The following SPIN1 variants were observed in gnomAD, a reference collection of about 807,000 sequenced individuals.
The protein encoded by SPIN1 is spindlin-1.
Under a neutral mutation model 26.0 loss-of-function variants are expected in SPIN1, and 3 were observed. The observed-to-expected ratio is 0.12, with a 90% CI of 0.05 to 0.30. The LOEUF is 0.30. SPIN1 is among the 10% of genes least tolerant of loss of function. The pLI is 1.00. For synonymous variants in SPIN1, 101 were observed against 116.5 expected, an observed-to-expected ratio of 0.87 and a Z score of 0.86; for missense variants, 126 against 333.4, an observed-to-expected ratio of 0.38 and a Z score of 4.84.
intron 1 of SPIN1, among the ~76,000 whole-genome samples, chr9:88,423,532 G>A (rs1341193572): frequency 2.6e-5 from 4 of 151,814 alleles, no homozygotes; most frequent in Admixed American, 6.6e-5. Context: ...TCTGCCTCCC[G>A]AGTTCAAGCA....
At chr9:88,393,814 G>T (rs1229529723) in intron 1 of SPIN1, among the ~76,000 whole-genome samples, 3 of 151,758 alleles carry the variant, frequency 2.0e-5, no homozygotes, top group African/African-American at 7.3e-5. Flanking sequence ...TAGCATCATT[G>T]TAGACCCATG....
intron 2 of SPIN1, among the ~76,000 whole-genome samples, chr9:88,431,968 G>C (rs1827881522): frequency 6.6e-6 from 1 of 152,170 alleles, no homozygotes. Flanking sequence ...TTTGAGCTCA[G>C]GTGTTGCTGC....
At chr9:88,465,836 T>C (rs1828657013) in intron 4 of SPIN1, among the ~76,000 whole-genome samples, 1 of 152,220 alleles carries the variant, frequency 6.6e-6, no homozygotes, top group African/African-American at 2.4e-5. Context: ...AATATTCTTT[T>C]CAGTATCATA....
intron 1 of SPIN1, among the ~76,000 whole-genome samples, chr9:88,403,017 A>G (rs192191331): frequency 6.6e-6 from 1 of 152,146 alleles, no homozygotes; most frequent in Non-Finnish European, 1.5e-5. Context: ...GTGCTATCTC[A>G]TTGTAGTTTT....
chr9:88,431,802 C>A (rs10868780), intron 2 of SPIN1, among the ~76,000 whole-genome samples: 2 of 151,924 alleles, frequency 1.3e-5, no homozygotes, highest in Non-Finnish European at 1.5e-5. Context: ...ATAATCCCAG[C>A]GCTTTGGGAA....
intron 1 of SPIN1, among the ~76,000 whole-genome samples, chr9:88,409,957 C>A (rs1247431266): frequency 6.6e-6 from 1 of 151,292 alleles, no homozygotes; most frequent in Non-Finnish European, 1.5e-5. Flanking sequence ...TTACCAGTCC[C>A]CCTGTAACCC....
At chr9:88,470,681 G>A (rs528404072) in intron 5 of SPIN1, among the ~76,000 whole-genome samples, 3 of 149,202 alleles carry the variant, frequency 2.0e-5, no homozygotes, top group Non-Finnish European at 3.0e-5. Context: ...TGCAGCCTCC[G>A]CCTACTGGGT....
rs185307367 is a variant in SPIN1, at chr9:88,462,148, C to T, written c.102-348C>T. Among the ~76,000 whole-genome samples, 1,176 of 152,216 alleles carry T rather than the reference C, an allele frequency of 7.7e-3. 18 individuals are homozygous for T. Among genetic ancestry groups the T allele is most frequent in the African/African-American group, 0.027 (1,124 of 41,532 alleles). On this transcript the variant is annotated intron_variant, in intron 3 of 5. Transcript: ENST00000375859. Reference sequence around the variant, plus strand: ...CACGGATCAGTCCTTCTTTAATTAACTTGGAAAATTTTGAGTTGATTGAAT... The same window carrying T: ...CACGGATCAGTCCTTCTTTAATTAATTTGGAAAATTTTGAGTTGATTGAAT...
intron 3 of SPIN1, among the ~76,000 whole-genome samples, chr9:88,459,456 A>G (rs1828534066): frequency 6.6e-6 from 1 of 152,106 alleles, no homozygotes; most frequent in Admixed American, 6.6e-5. Context: ...TATGTTATAT[A>G]TATATATTGG....
chr9:88,469,897 T>C (rs1273396825), intron 5 of SPIN1, among the ~76,000 whole-genome samples: 5 of 152,218 alleles, frequency 3.3e-5, no homozygotes, highest in African/African-American at 1.2e-4. Flanking sequence ...CGCACAGATA[T>C]GTACAGTCCT....
chr9:88,411,571 T>G (rs1439934005), intron 1 of SPIN1: 2 of 597,522 alleles, frequency 3.3e-6, no homozygotes, highest in Non-Finnish European at 5.9e-6. Flanking sequence ...TAGAGTGCAG[T>G]GGCATGATCT....
chr9:88,448,733 C>T (rs971823040), intron 2 of SPIN1, among the ~76,000 whole-genome samples: 1 of 152,034 alleles, frequency 6.6e-6, no homozygotes, highest in African/African-American at 2.4e-5. Context: ...AGAACTGTTG[C>T]CTCTGCTGCT....
intron 1 of SPIN1, among the ~76,000 whole-genome samples, chr9:88,406,634 A>G (rs1827316898): frequency 6.6e-6 from 1 of 152,104 alleles, no homozygotes; most frequent in African/African-American, 2.4e-5. Context: ...GTTTCTTATG[A>G]TTAGAGCATC....
chr9:88,456,533 C>G (rs1161901898), intron 3 of SPIN1, among the ~76,000 whole-genome samples: 1 of 152,166 alleles, frequency 6.6e-6, no homozygotes, highest in Non-Finnish European at 1.5e-5. Context: ...GGCATTGGAA[C>G]AGAAGATGCT....
At chr9:88,410,497 G>A in intron 1 of SPIN1, 1 of 762,768 alleles carries the variant, frequency 1.3e-6, no homozygotes, top group Non-Finnish European at 2.3e-6. Context: ...CACTTCTCTG[G>A]TTCTCCTCTC....
At chr9:88,417,939 C>T (rs1218985017) in intron 1 of SPIN1, among the ~76,000 whole-genome samples, 4 of 152,212 alleles carry the variant, frequency 2.6e-5, no homozygotes, top group African/African-American at 9.7e-5. Flanking sequence ...AACTCAGGAA[C>T]AGCCAGATGG....
rs182458976 is a variant in SPIN1, at chr9:88,429,429, A to G, written c.52+2838A>G. On this transcript the variant is annotated intron_variant, in intron 2 of 5. Coordinates refer to ENST00000375859, the MANE Select transcript of SPIN1 (RefSeq NM_006717.3). ...TCTGGAACTTCTGGTCTGAACAGCC[A>G]TAAATTGGAGTTTCCACAGCCCTGT... Among the ~76,000 whole-genome samples, 13 of 152,336 alleles carry G rather than the reference A, an allele frequency of 8.5e-5. No homozygotes were observed. The East Asian group carries it at 2.5e-3, about 29-fold the overall frequency.
At chr9:88,394,559 A>G (rs1827011696) in intron 1 of SPIN1, among the ~76,000 whole-genome samples, 1 of 152,174 alleles carries the variant, frequency 6.6e-6, no homozygotes, top group South Asian at 2.1e-4. Flanking sequence ...TCTTAGCAAC[A>G]TTAATATAAT....
chr9:88,461,520 T>C (rs1359042162), intron 3 of SPIN1, among the ~76,000 whole-genome samples: 3 of 152,228 alleles, frequency 2.0e-5, no homozygotes, highest in Non-Finnish European at 4.4e-5. Flanking sequence ...AATTTTAGTT[T>C]TAGCTGTTAC....
Sources: allele counts gnomAD v4.1 joint callset (sites outside exome capture counted in the v4.1 genomes callset), GRCh38; gene constraint gnomAD v4.1.1; transcripts MANE v1.5; gene names NCBI Gene and HGNC (gene_info 2026-07-23, HGNC 2026-07-21).